BCR: variants seen among roughly 807,000 people sequenced by gnomAD.
BCR encodes the protein BCR activator of RhoGEF and GTPase.
In BCR, 58 loss-of-function variants were observed where a neutral mutation model predicts 138.6. The ratio of observed to expected loss-of-function variants is 0.42; its 90% confidence interval spans 0.34 to 0.52. The LOEUF is 0.52. BCR is among the 20% of genes least tolerant of loss of function. The pLI, the probability that BCR is intolerant of heterozygous loss-of-function variation, is 0.06. For missense variants in BCR, 1,599 were observed against 1,727.2 expected (o/e 0.93, Z 1.32); for synonymous variants, 786 against 730.1 (o/e 1.08, Z -1.23).
chr22:23,230,185 TCTG>T (rs761860125), intron 1 of BCR, among the ~76,000 whole-genome samples: 1 of 152,082 alleles, frequency 6.6e-6, no homozygotes, highest in Non-Finnish European at 1.5e-5. Context: ...TCCTGCAATC[TCTG>T]CTCAGTCCTC....
At chr22:23,232,698 C>T (rs2072972587) in intron 1 of BCR, among the ~76,000 whole-genome samples, 1 of 152,222 alleles carries the variant, frequency 6.6e-6, no homozygotes. Context: ...CACCCGTGAG[C>T]ATGGGCGGCC....
At chr22:23,283,734 C>T in intron 8 of BCR, 1 of 490,578 alleles carries the variant, frequency 2.0e-6, no homozygotes, top group Non-Finnish European at 3.5e-6. Context: ...GCTGAACACA[C>T]AGGAGGGATT....
chr22:23,296,556 G>A (rs993894890), intron 16 of BCR, among the ~76,000 whole-genome samples: 2 of 152,108 alleles, frequency 1.3e-5, no homozygotes, highest in African/African-American at 4.8e-5. Flanking sequence ...CACATCTTCG[G>A]AGGTGCAGCT....
intron 1 of BCR, among the ~76,000 whole-genome samples, chr22:23,200,825 G>T (rs1250881747): frequency 6.6e-6 from 1 of 152,202 alleles, no homozygotes; most frequent in Non-Finnish European, 1.5e-5. Context: ...CTCCCAAAGT[G>T]CTGGGACTCC....
Position 23,187,500 on chromosome 22 carries a change from T to TC in BCR, c.1279+5261_1279+5262insC, listed in dbSNP as rs1491340419. Among the ~76,000 whole-genome samples the TC allele has an allele frequency of 5.7e-3, 724 of 126,480 alleles. 5 individuals are homozygous for TC. The highest frequency in any genetic ancestry group is 0.017 in the African/African-American group (445 of 26,672). The allele number at this position is 126,480 out of a possible 152,430, so 83.0% of individuals were successfully genotyped here. Reference sequence around the variant, plus strand: ...CTCCTTCTCTTTCTCTCTCTCTCTCTTTTTTTTTTTTTTAATAGAGATTGG... The same window carrying TC: ...CTCCTTCTCTTTCTCTCTCTCTCTCTCTTTTTTTTTTTTTAATAGAGATTGG... On this transcript the variant is annotated intron_variant, in intron 1 of 22. Coordinates refer to ENST00000305877, the MANE Select transcript of BCR (RefSeq NM_004327.4).
chr22:23,297,220 TG>T (rs68056349), intron 16 of BCR, among the ~76,000 whole-genome samples: 1,825 of 138,222 alleles, frequency 0.013, 80 homozygotes, highest in East Asian at 0.056. Flanking sequence ...TTTTGTTTTT[TG>T]TTTTTTTTTT....
chr22:23,209,274 C>G (rs759176686), intron 1 of BCR, among the ~76,000 whole-genome samples: 2 of 151,878 alleles, frequency 1.3e-5, no homozygotes, highest in African/African-American at 4.8e-5. Context: ...GCAGGAGAAT[C>G]GCTTGAGCCC....
At chr22:23,245,518 A>G (rs2073146607) in intron 1 of BCR, among the ~76,000 whole-genome samples, 1 of 152,134 alleles carries the variant, frequency 6.6e-6, no homozygotes, top group South Asian at 2.1e-4. Flanking sequence ...GCAGGCCTTT[A>G]GCCAGGGTGC....
Position 23,211,463 on chromosome 22 carries a change from G to A in BCR, c.1279+29224G>A, listed in dbSNP as rs559240391. Reference sequence around the variant, plus strand: ...TCCGCCTGCCTTGGCCTCCTAAAGTGCTGGGATTACAGACGTGACCACTGC... The same window carrying A: ...TCCGCCTGCCTTGGCCTCCTAAAGTACTGGGATTACAGACGTGACCACTGC... On this transcript the variant is annotated intron_variant, in intron 1 of 22. Transcript: ENST00000305877. Among the ~76,000 whole-genome samples, 3 of 151,890 alleles carry A rather than the reference G, an allele frequency of 2.0e-5. No individual in the cohort carries two copies. In the East Asian group the frequency reaches 5.8e-4, roughly 29 times the overall value.
intron 1 of BCR, among the ~76,000 whole-genome samples, chr22:23,241,571 C>T (rs1243836769): frequency 6.6e-6 from 1 of 152,168 alleles, no homozygotes; most frequent in African/African-American, 2.4e-5. Context: ...CCCTTCCCAC[C>T]CTCTTCCCAG....
chr22:23,259,678 G>A lies in BCR; in HGVS notation c.1462-1272G>A, dbSNP rs548764502. 1.1e-4 allele frequency among the ~76,000 whole-genome samples: 17 copies of A among 152,040 alleles called. No homozygotes were observed. The East Asian group carries it at 1.7e-3, about 16-fold the overall frequency. ...ATTATAGGTGCCCGCCACCACACCC[G>A]GCTAATTTTTGTATTTTTAGTAGAG... On this transcript the variant is annotated intron_variant, in intron 2 of 22. Transcript: ENST00000305877.
At chr22:23,289,031 G>C (rs1210516699) in intron 12 of BCR, among the ~76,000 whole-genome samples, 3 of 152,202 alleles carry the variant, frequency 2.0e-5, no homozygotes, top group East Asian at 3.8e-4. Flanking sequence ...TGTGTCCCAG[G>C]GTTTCCTGTC....
At chr22:23,210,349 C>T (rs9620228) in intron 1 of BCR, among the ~76,000 whole-genome samples, 9 of 149,852 alleles carry the variant, frequency 6.0e-5, no homozygotes, top group Admixed American at 4.0e-4. Context: ...CCCGGGAGGT[C>T]GAGGTTGCGG....
rs749822339 is a variant in BCR, at chr22:23,289,622, G to GT, written c.2707+2dup. ...ATTCCGCTGACCATCAATAAGGAAG[G>GT]TGGGCCCCCCCGTTTCCGTGTACAG... On this transcript the variant is annotated splice_donor_variant, in intron 13 of 22. Coordinates refer to ENST00000305877, the MANE Select transcript of BCR (RefSeq NM_004327.4). LOFTEE classifies it high-confidence loss of function. 21 of 1,593,338 alleles carry GT rather than the reference G, an allele frequency of 1.3e-5. No individual in the cohort carries two copies. In the African/African-American group the frequency reaches 2.7e-4, roughly 20 times the overall value.
chr22:23,253,829 GC>G lies in BCR; in HGVS notation c.1311del (p.Cys438AlafsTer61). On this transcript the variant is annotated frameshift_variant, in exon 2 of 23. Coordinates refer to ENST00000305877, the MANE Select transcript of BCR (RefSeq NM_004327.4). LOFTEE classifies it high-confidence loss of function. ...TCGTTCGGAACACCACCTGGATACG[GC>G]TGCGCTGCAGACCGGGCAGAGGAGC... ...DGSFGTPPGY[G>X]CAADRAEEQR... 1 of 1,612,952 alleles carries G rather than the reference GC, an allele frequency of 6.2e-7. No individual in the cohort carries two copies. Among genetic ancestry groups the G allele is most frequent in the Non-Finnish European group, 8.5e-7 (1 of 1,179,874 alleles).
chr22:23,262,685 C>G (rs973699462), intron 4 of BCR: 8 of 683,546 alleles, frequency 1.2e-5, no homozygotes, highest in African/African-American at 9.7e-5. Flanking sequence ...GTGGGGCCGC[C>G]GGGAATGGCG....
intron 5 of BCR, among the ~76,000 whole-genome samples, chr22:23,269,039 C>G (rs930622295): frequency 2.6e-5 from 4 of 152,266 alleles, no homozygotes; most frequent in Non-Finnish European, 5.9e-5. Context: ...ACCCAGGCCC[C>G]AGGTCTGAGA....
At chr22:23,309,703 C>T in intron 17 of BCR, 1 of 570,820 alleles carries the variant, frequency 1.8e-6, no homozygotes, top group South Asian at 2.0e-5. Flanking sequence ...CATCCCTCCT[C>T]AAACAAAGGT....
At chr22:23,206,996 C>T (rs545009398) in intron 1 of BCR, among the ~76,000 whole-genome samples, 2 of 135,236 alleles carry the variant, frequency 1.5e-5, no homozygotes, top group East Asian at 5.2e-4. Context: ...CATCATCTGT[C>T]TAACATCCAG....
Sources: allele counts gnomAD v4.1 joint callset (sites outside exome capture counted in the v4.1 genomes callset), GRCh38; gene constraint gnomAD v4.1.1; transcripts MANE v1.5; gene names NCBI Gene and HGNC (gene_info 2026-07-23, HGNC 2026-07-21).